The following NDST4 variants were observed in gnomAD, a reference collection of about 807,000 sequenced individuals.
The protein encoded by NDST4 is N-deacetylase and N-sulfotransferase 4.
Under a neutral mutation model 100.8 loss-of-function variants are expected in NDST4, and 63 were observed. The ratio of observed to expected loss-of-function variants is 0.62; its 90% confidence interval spans 0.51 to 0.77. The LOEUF is 0.77. Among genes scored for constraint, NDST4 ranks in the 30% least tolerant of loss-of-function variants. The pLI is 0.00. For missense variants in NDST4, 943 were observed against 1,018.4 expected, an observed-to-expected ratio of 0.93 and a Z score of 1.01; for synonymous variants, 377 against 361.8, an observed-to-expected ratio of 1.04 and a Z score of -0.48.
chr4:115,065,768 C>T (rs1009832074), intron 2 of NDST4, among the ~76,000 whole-genome samples: 9 of 152,086 alleles, frequency 5.9e-5, no homozygotes, highest in Non-Finnish European at 1.3e-4. Flanking sequence ...TAAAGGCAAA[C>T]GTTCTATAAC....
At chr4:115,092,256 T>C (rs1275768236) in intron 1 of NDST4, among the ~76,000 whole-genome samples, 1 of 152,174 alleles carries the variant, frequency 6.6e-6, no homozygotes, top group African/African-American at 2.4e-5. Context: ...ACCCACTTAT[T>C]CCCTCATTCA....
intron 1 of NDST4, among the ~76,000 whole-genome samples, chr4:115,081,099 T>TAAA (rs34184149): frequency 0.015 from 2,288 of 148,932 alleles, 63 homozygotes; most frequent in African/African-American, 0.053. Flanking sequence ...AAAAATAAAT[T>TAAA]AAAAAAAAAA....
chr4:115,089,202 T>G (rs1414214792), intron 1 of NDST4, among the ~76,000 whole-genome samples: 1 of 152,016 alleles, frequency 6.6e-6, no homozygotes, highest in Non-Finnish European at 1.5e-5. Context: ...GAACTTCAGT[T>G]TCTTCATTTT....
intron 6 of NDST4, among the ~76,000 whole-genome samples, chr4:114,875,281 C>A (rs1050150187): frequency 6.6e-6 from 1 of 152,144 alleles, no homozygotes; most frequent in Non-Finnish European, 1.5e-5. Flanking sequence ...TTCATTATAA[C>A]CAAACATAAA....
At chr4:114,838,435 T>C (rs77832296) in intron 11 of NDST4, among the ~76,000 whole-genome samples, 3,482 of 152,292 alleles carry the variant, frequency 0.023, 121 homozygotes, top group African/African-American at 0.078. Context: ...CCATCAATTT[T>C]AGACTGGATA....
At chr4:114,894,100 G>A (rs1447955169) in intron 6 of NDST4, among the ~76,000 whole-genome samples, 1 of 152,020 alleles carries the variant, frequency 6.6e-6, no homozygotes, top group Non-Finnish European at 1.5e-5. Flanking sequence ...TGATCTATAT[G>A]TATGTTATAA....
intron 2 of NDST4, among the ~76,000 whole-genome samples, chr4:115,035,072 CA>C (rs1443123677): frequency 6.6e-5 from 10 of 152,064 alleles, no homozygotes; most frequent in African/African-American, 1.9e-4. Flanking sequence ...CAAACTAACA[CA>C]ATTTTTCCAA....
At chr4:114,965,172 T>C (rs186100245) in intron 4 of NDST4, among the ~76,000 whole-genome samples, 3 of 152,202 alleles carry the variant, frequency 2.0e-5, no homozygotes, top group Non-Finnish European at 2.9e-5. Context: ...TTATTATCAG[T>C]TTTTTTCTGC....
intron 2 of NDST4, among the ~76,000 whole-genome samples, chr4:115,002,035 G>T (rs1727302543): frequency 6.6e-6 from 1 of 152,120 alleles, no homozygotes; most frequent in Non-Finnish European, 1.5e-5. Context: ...CTTTCTTCAA[G>T]TTATGATGCT....
intron 10 of NDST4, among the ~76,000 whole-genome samples, chr4:114,841,572 T>C (rs1007283236): frequency 6.6e-6 from 1 of 152,274 alleles, no homozygotes. Context: ...GTTTAATCTA[T>C]GTGGAAAAAA....
intron 7 of NDST4, among the ~76,000 whole-genome samples, chr4:114,856,994 A>G (rs1723811204): frequency 6.6e-6 from 1 of 152,188 alleles, no homozygotes; most frequent in Non-Finnish European, 1.5e-5. Context: ...AGATAGCTTC[A>G]AGTTTAGGAT....
chr4:115,064,301 C>T (rs182958745), intron 2 of NDST4, among the ~76,000 whole-genome samples: 2 of 151,946 alleles, frequency 1.3e-5, no homozygotes, highest in African/African-American at 4.8e-5. Context: ...AAAATAAACA[C>T]ATAAAACTAA....
At chr4:114,847,017 T>C (rs1660689331) in intron 9 of NDST4, among the ~76,000 whole-genome samples, 1 of 152,006 alleles carries the variant, frequency 6.6e-6, no homozygotes, top group African/African-American at 2.4e-5. Flanking sequence ...CCAACAACAA[T>C]GGGAACCTTG....
chr4:115,018,401 G>A (rs925902930), intron 2 of NDST4, among the ~76,000 whole-genome samples: 1 of 151,700 alleles, frequency 6.6e-6, no homozygotes, highest in East Asian at 1.9e-4. Flanking sequence ...AAACAATATG[G>A]AGCTGATTTA....
At chr4:115,095,713 G>C (rs942628284) in intron 1 of NDST4, among the ~76,000 whole-genome samples, 2 of 151,960 alleles carry the variant, frequency 1.3e-5, no homozygotes, top group African/African-American at 4.8e-5. Context: ...ATAATTATTG[G>C]TAATAAAGAT....
At position 114,971,354 on chromosome 4, in the gene NDST4, T is replaced by A. The variant is rs570644750; in HGVS notation, c.1067-770A>T. Among the ~76,000 whole-genome samples the A allele has an allele frequency of 2.6e-5, 4 of 151,460 alleles. No homozygotes were observed. The South Asian group carries it at 8.3e-4, about 31-fold the overall frequency. On this transcript the variant is annotated intron_variant, in intron 3 of 13. Transcript: ENST00000264363. ...GGGAAAATTTGTTAACAGCACCCAA[T>A]ACATAGGAAATAAAAACAAAAAACA...
At chr4:115,100,211 A>C (rs1480921644) in intron 1 of NDST4, among the ~76,000 whole-genome samples, 1 of 152,078 alleles carries the variant, frequency 6.6e-6, no homozygotes, top group Non-Finnish European at 1.5e-5. Flanking sequence ...AGGGTAGTGA[A>C]ATTTTTCTAT....
chr4:114,982,482 C>T (rs534056993), intron 2 of NDST4, among the ~76,000 whole-genome samples: 4 of 152,200 alleles, frequency 2.6e-5, no homozygotes, highest in Middle Eastern at 3.4e-3. Flanking sequence ...TGATCAAGGG[C>T]GTCTGGAGGA....
intron 7 of NDST4, among the ~76,000 whole-genome samples, chr4:114,864,902 C>T (rs1185743412): frequency 6.6e-6 from 1 of 152,094 alleles, no homozygotes; most frequent in African/African-American, 2.4e-5. Flanking sequence ...GCTTTAGACA[C>T]AAAATGTTTC....
Sources: gnomAD v4.1 joint callset for allele counts (sites outside exome capture counted in the v4.1 genomes callset) on GRCh38, gnomAD v4.1.1 for gene constraint, MANE v1.5 for transcripts, NCBI Gene and HGNC (gene_info 2026-07-23, HGNC 2026-07-21) for gene names.